Variants in SOS2 observed in about 807,000 individuals in gnomAD.
The protein encoded by SOS2 is son of sevenless homolog 2.
A neutral mutation model predicts 148.2 loss-of-function variants in SOS2; 65 were observed. The observed-to-expected ratio is 0.44, with a 90% CI of 0.36 to 0.54. The LOEUF (loss-of-function observed/expected upper bound fraction) is 0.54. Among genes scored for constraint, SOS2 ranks in the 20% least tolerant of loss-of-function variants. The probability of loss-of-function intolerance (pLI) is 0.00; values close to 1 mark genes in which losing one functional copy is unlikely to be tolerated. For missense variants in SOS2, 1,341 were observed against 1,590.2 expected, an observed-to-expected ratio of 0.84 and a Z score of 2.67; for synonymous variants, 539 against 537.1, an observed-to-expected ratio of 1.00 and a Z score of -0.05.
chr14:50,179,159 T>C (rs931445556), intron 7 of SOS2, among the ~76,000 whole-genome samples: 2 of 152,170 alleles, frequency 1.3e-5, no homozygotes, highest in Admixed American at 6.6e-5. Context: ...ATTTATATCC[T>C]GATTAAAACA....
At chr14:50,170,226 C>G (rs981859447) in intron 8 of SOS2, among the ~76,000 whole-genome samples, 1 of 151,844 alleles carries the variant, frequency 6.6e-6, no homozygotes, top group South Asian at 2.1e-4. Context: ...AGGCACCTTA[C>G]CCCACTTTCT....
At position 50,130,704 on chromosome 14, in the gene SOS2, T is replaced by C. The variant is rs781326623; in HGVS notation, c.3134A>G (p.His1045Arg). 8 of 1,613,924 alleles carry C rather than the reference T, an allele frequency of 5.0e-6. No individual in the cohort carries two copies. Among genetic ancestry groups the C allele is most frequent in the African/African-American group, 2.7e-5 (2 of 74,940 alleles). Residue 1045 changes from histidine to arginine, a missense_variant, in exon 20 of 23, where the codon CAT (histidine) becomes CGT (arginine). Transcript: ENST00000216373. ...SPGIRPNTGR[H>R]GSTSGTLRGH... ...TCGTAAAGTACCTGAGGTAGAGCCA[T>C]GTCGGCCTGTGTTAGGCCTTATTCC...
At chr14:50,193,559 C>T (rs2139756576) in intron 4 of SOS2, among the ~76,000 whole-genome samples, 1 of 152,190 alleles carries the variant, frequency 6.6e-6, no homozygotes, top group East Asian at 1.9e-4. Flanking sequence ...AGGGTTGATT[C>T]TCAAGTTCTC....
chr14:50,191,634 TC>T (rs982565294), intron 4 of SOS2, among the ~76,000 whole-genome samples: 2 of 152,116 alleles, frequency 1.3e-5, no homozygotes, highest in Admixed American at 1.3e-4. Flanking sequence ...ATACCAAAGT[TC>T]CTGAATTTAA....
intron 1 of SOS2, among the ~76,000 whole-genome samples, chr14:50,214,525 GA>G (rs1886982603): frequency 6.6e-6 from 1 of 151,940 alleles, no homozygotes; most frequent in Non-Finnish European, 1.5e-5. Flanking sequence ...TAAAAAAGTA[GA>G]CATTTAACTA....
At chr14:50,221,256 C>T (rs546875597) in intron 1 of SOS2, among the ~76,000 whole-genome samples, 7 of 152,018 alleles carry the variant, frequency 4.6e-5, no homozygotes, top group Admixed American at 1.3e-4. Flanking sequence ...TTTTTTTCCC[C>T]TGTGAACTGG....
chr14:50,124,072 G>T lies in SOS2; in HGVS notation c.3380-3688C>A, dbSNP rs148749118. 6.8e-4 allele frequency among the ~76,000 whole-genome samples: 103 copies of T among 152,276 alleles called. 1 individual carries two copies. Among genetic ancestry groups the T allele is most frequent in the African/African-American group, 2.4e-3 (99 of 41,550 alleles). Reference sequence around the variant, plus strand: ...TAATAAGAAGCTCAGTTTCAGACAGGTAAGGTTTGAGATTCCTATTAGATA... The same window carrying T: ...TAATAAGAAGCTCAGTTTCAGACAGTTAAGGTTTGAGATTCCTATTAGATA... On this transcript the variant is annotated intron_variant, in intron 21 of 22. Transcript: ENST00000216373.
intron 1 of SOS2, among the ~76,000 whole-genome samples, chr14:50,218,195 A>G (rs1887091562): frequency 7.2e-6 from 1 of 138,456 alleles, no homozygotes; most frequent in African/African-American, 2.7e-5. Flanking sequence ...AGAGAATGGT[A>G]TATAATGAAA....
intron 1 of SOS2, 105 bp downstream of exon 1, chr14:50,231,092 G>T: frequency 1.5e-6 from 1 of 662,358 alleles, no homozygotes; most frequent in Non-Finnish European, 2.1e-6. Context: ...ACGAGAAACG[G>T]CTCGGCCCCG....
At chr14:50,218,941 T>C (rs578112919) in intron 1 of SOS2, among the ~76,000 whole-genome samples, 13 of 152,140 alleles carry the variant, frequency 8.5e-5, no homozygotes, top group Admixed American at 7.9e-4. Flanking sequence ...AGTGAAACCC[T>C]GTCTCTACTA....
At chr14:50,218,163 A>G (rs1279064788) in intron 1 of SOS2, among the ~76,000 whole-genome samples, 1 of 150,222 alleles carries the variant, frequency 6.7e-6, no homozygotes, top group African/African-American at 2.4e-5. Context: ...GAAAGAAAGA[A>G]AAAGATAAAA....
intron 8 of SOS2, among the ~76,000 whole-genome samples, chr14:50,170,811 T>TAA (rs537159978): frequency 0.02 from 2,628 of 130,312 alleles, 47 homozygotes; most frequent in Non-Finnish European, 0.028. Flanking sequence ...TGACTATTAT[T>TAA]AAAAAAAAAA....
intron 1 of SOS2, among the ~76,000 whole-genome samples, chr14:50,224,751 T>G (rs781087746): frequency 1.8e-4 from 28 of 151,860 alleles, no homozygotes; most frequent in Non-Finnish European, 3.7e-4. Flanking sequence ...CTGGGTGTAG[T>G]GGCACATGCC....
At chr14:50,198,982 T>C (rs1261768380) in intron 4 of SOS2, among the ~76,000 whole-genome samples, 1 of 152,092 alleles carries the variant, frequency 6.6e-6, no homozygotes, top group Non-Finnish European at 1.5e-5. Context: ...GGTGAAACCC[T>C]ATCTCTCCAA....
intron 2 of SOS2, among the ~76,000 whole-genome samples, chr14:50,202,624 A>G (rs966084672): frequency 3.3e-5 from 5 of 152,126 alleles, no homozygotes; most frequent in African/African-American, 1.2e-4. Context: ...AGTCCCAGCT[A>G]CTTGGAAGGC....
rs1885798921 is a variant in SOS2, at chr14:50,183,183, C to T, written c.715-577G>A. Among the ~76,000 whole-genome samples the T allele has an allele frequency of 2.6e-5, 4 of 152,176 alleles. No individual in the cohort carries two copies. In the South Asian group the frequency reaches 8.3e-4, roughly 32 times the overall value. On this transcript the variant is annotated intron_variant, in intron 5 of 22. Transcript: ENST00000216373. ...AGAGAGAGTAAAATATGAATGTTTA[C>T]TTTCATGCCCCCCTTACACCCATGA...
chr14:50,132,252 C>T (rs949732440), intron 19 of SOS2, among the ~76,000 whole-genome samples: 1 of 150,406 alleles, frequency 6.6e-6, no homozygotes, highest in Non-Finnish European at 1.5e-5. Context: ...CACAGTGGCT[C>T]ATGCCTGTAA....
Position 50,151,503 on chromosome 14 carries a change from A to G in SOS2, c.2162-1273T>C, listed in dbSNP as rs559091205. Among the ~76,000 whole-genome samples, 3 of 152,312 alleles carry G rather than the reference A, an allele frequency of 2.0e-5. No individual in the cohort carries two copies. The East Asian group carries it at 5.8e-4, about 29-fold the overall frequency. On this transcript the variant is annotated intron_variant, in intron 13 of 22. Coordinates refer to ENST00000216373, the MANE Select transcript of SOS2 (RefSeq NM_006939.4). ...TTTATTATTTTACTAGGACCTGAGA[A>G]ATGTGATATTCTACCATTCCTTCTT...
intron 5 of SOS2, 38 bp downstream of exon 5, chr14:50,188,459 T>C: frequency 7.5e-7 from 1 of 1,342,038 alleles, no homozygotes; most frequent in Non-Finnish European, 1.1e-6. Context: ...TCTGGTTTTT[T>C]GGGGTACACA....
Sources: allele counts gnomAD v4.1 joint callset (sites outside exome capture counted in the v4.1 genomes callset), GRCh38; gene constraint gnomAD v4.1.1; transcripts MANE v1.5; gene names NCBI Gene and HGNC (gene_info 2026-07-23, HGNC 2026-07-21).